NRXN3: variants seen among roughly 807,000 people sequenced by gnomAD.
NRXN3 encodes the protein neurexin III.
Under a neutral mutation model 137.6 loss-of-function variants are expected in NRXN3, and 32 were observed. That is an observed-to-expected ratio of 0.23 (90% CI 0.18 to 0.31). NRXN3 has a LOEUF of 0.31. NRXN3 is among the 10% of genes least tolerant of loss of function. NRXN3 has a pLI of 1.00. For synonymous variants in NRXN3, 798 were observed against 784.5 expected, an observed-to-expected ratio of 1.02 and a Z score of -0.29; for missense variants, 1,574 against 2,062.5, an observed-to-expected ratio of 0.76 and a Z score of 4.59.
chr14:78,645,250 C>T lies in NRXN3; in HGVS notation c.888C>T (p.Ile296=), dbSNP rs529048287. ...SFKTWQRNGL[I]LHTGKSADYV... ...AGACCTGGCAGCGTAACGGCCTCAT[C>T]CTGCACACGGGCAAGTCGGCTGACT... The change falls in exon 5 of 21, where the codon ATC becomes ATT. Residue 296 remains isoleucine (I), a synonymous_variant. Transcript: ENST00000335750. The T allele has an allele frequency of 4.4e-6, 7 of 1,598,860 alleles. No individual in the cohort carries two copies. In the East Asian group the frequency reaches 1.3e-4, roughly 31 times the overall value.
intron 4 of NRXN3, among the ~76,000 whole-genome samples, chr14:78,502,488 T>C (rs977553623): frequency 1.4e-4 from 21 of 152,270 alleles, no homozygotes; most frequent in African/African-American, 4.3e-4. Context: ...TGGGTAACAA[T>C]GCTATAAGTC....
chr14:79,229,236 G>A (rs2071668088), intron 15 of NRXN3, among the ~76,000 whole-genome samples: 1 of 152,060 alleles, frequency 6.6e-6, no homozygotes, highest in Admixed American at 6.6e-5. Context: ...ATTAAACATA[G>A]TTTATAAGAT....
At chr14:79,631,840 C>A (rs191991) in intron 16 of NRXN3, among the ~76,000 whole-genome samples, 50,796 of 151,516 alleles carry the variant, frequency 0.34, 11,434 homozygotes, top group African/African-American at 0.65. Flanking sequence ...GACTTGGAGA[C>A]CTTTTCTGTC....
chr14:78,959,494 G>A (rs1398325015), intron 11 of NRXN3, among the ~76,000 whole-genome samples: 1 of 152,070 alleles, frequency 6.6e-6, no homozygotes, highest in Non-Finnish European at 1.5e-5. Context: ...GAATGCATTA[G>A]CTTATTAAAG....
chr14:79,390,584 C>A (rs1397449720), intron 15 of NRXN3, among the ~76,000 whole-genome samples: 5 of 152,094 alleles, frequency 3.3e-5, no homozygotes, highest in Non-Finnish European at 7.4e-5. Context: ...TGCCTCTTTC[C>A]CAGCCTTATA....
chr14:79,360,426 T>A (rs1225034493), intron 15 of NRXN3, among the ~76,000 whole-genome samples: 2 of 152,246 alleles, frequency 1.3e-5, no homozygotes, highest in African/African-American at 2.4e-5. Flanking sequence ...TTACAGAGCA[T>A]TGCTCTTTTT....
At chr14:79,728,176 A>C (rs771832279) in intron 19 of NRXN3, among the ~76,000 whole-genome samples, 2 of 152,174 alleles carry the variant, frequency 1.3e-5, no homozygotes, top group Non-Finnish European at 2.9e-5. Context: ...AATTAAAAGC[A>C]AAAGTAACTA....
intron 4 of NRXN3, among the ~76,000 whole-genome samples, chr14:78,529,116 G>A (rs549145635): frequency 5.3e-4 from 81 of 152,278 alleles, no homozygotes; most frequent in African/African-American, 1.9e-3. Flanking sequence ...TCAGGAGATT[G>A]TAACCTCATA....
intron 4 of NRXN3, among the ~76,000 whole-genome samples, chr14:78,315,367 C>T (rs1359440430): frequency 6.6e-6 from 1 of 152,106 alleles, no homozygotes; most frequent in Non-Finnish European, 1.5e-5. Flanking sequence ...GTGAGAATCA[C>T]CCAGGGAACT....
chr14:78,456,685 C>T (rs1299096436), intron 4 of NRXN3, among the ~76,000 whole-genome samples: 1 of 152,080 alleles, frequency 6.6e-6, no homozygotes, highest in Non-Finnish European at 1.5e-5. Flanking sequence ...GTTCCTTATC[C>T]TAGCCCATGG....
chr14:79,407,922 C>A (rs1042074946), intron 15 of NRXN3, among the ~76,000 whole-genome samples: 1 of 152,084 alleles, frequency 6.6e-6, no homozygotes. Flanking sequence ...TTGATTCACA[C>A]ACTCCTATCA....
chr14:78,333,131 A>C (rs1446447537), intron 4 of NRXN3, among the ~76,000 whole-genome samples: 1 of 152,212 alleles, frequency 6.6e-6, no homozygotes, highest in Non-Finnish European at 1.5e-5. Flanking sequence ...AGAGCATCCA[A>C]ACCTAAGGCA....
chr14:79,553,844 T>C (rs561560530), intron 16 of NRXN3, among the ~76,000 whole-genome samples: 1 of 152,330 alleles, frequency 6.6e-6, no homozygotes, highest in East Asian at 1.9e-4. Flanking sequence ...CCTTGTGTTC[T>C]CTTTATCTTT....
At chr14:78,736,430 T>C (rs2098541563) in intron 8 of NRXN3, among the ~76,000 whole-genome samples, 2 of 152,220 alleles carry the variant, frequency 1.3e-5, no homozygotes, top group Admixed American at 6.5e-5. Context: ...TCTCACTTGA[T>C]TCTTGCAACT....
rs550759560 is a variant in NRXN3 at position 79,324,996 on chromosome 14, T to C, written c.3263-142225T>C. Among the ~76,000 whole-genome samples the C allele has an allele frequency of 3.9e-5, 6 of 152,328 alleles. No homozygotes were observed. The South Asian group carries it at 1.2e-3, about 32-fold the overall frequency. On this transcript the variant is annotated intron_variant, in intron 15 of 20. Coordinates refer to ENST00000335750, the MANE Select transcript of NRXN3 (RefSeq NM_001330195.2). ...TTCTTGTCTAAACACATCAGTGCAGTGTGAATCCTGCATTATTCATGAACA... is the reference window on the plus strand; with the variant it reads ...TTCTTGTCTAAACACATCAGTGCAGCGTGAATCCTGCATTATTCATGAACA...
intron 1 of NRXN3, among the ~76,000 whole-genome samples, chr14:78,201,081 G>T (rs1264527655): frequency 1.3e-5 from 2 of 152,166 alleles, no homozygotes; most frequent in Non-Finnish European, 2.9e-5. Flanking sequence ...GTTACATCAT[G>T]CTGGAAGCAG....
intron 5 of NRXN3, among the ~76,000 whole-genome samples, chr14:78,645,644 A>G (rs941272470): frequency 6.6e-6 from 1 of 152,062 alleles, no homozygotes; most frequent in African/African-American, 2.4e-5. Context: ...ATTTAAGAAA[A>G]AAAAAAACAA....
intron 4 of NRXN3, among the ~76,000 whole-genome samples, chr14:78,300,471 A>G (rs4903742): frequency 0.74 from 112,671 of 152,202 alleles, 41,805 homozygotes; most frequent in Middle Eastern, 0.85. Flanking sequence ...AAGCTTCCAC[A>G]TTGTATGTTT....
At chr14:78,865,654 A>G (rs1390072379) in intron 10 of NRXN3, among the ~76,000 whole-genome samples, 2 of 152,244 alleles carry the variant, frequency 1.3e-5, no homozygotes, top group African/African-American at 4.8e-5. Context: ...CTCCAACACC[A>G]TCTCCAGTAA....
Sources: allele counts gnomAD v4.1 joint callset (sites outside exome capture counted in the v4.1 genomes callset), GRCh38; gene constraint gnomAD v4.1.1; transcripts MANE v1.5; gene names NCBI Gene and HGNC (gene_info 2026-07-23, HGNC 2026-07-21).